Variants in CDH12 observed in about 807,000 individuals in gnomAD.
The protein encoded by CDH12 is cadherin-12.
CDH12 carries 41 observed loss-of-function variants against 74.1 expected under a neutral mutation model. That is an observed-to-expected ratio of 0.55 (90% CI 0.43 to 0.72). CDH12 has a LOEUF of 0.72. Among genes scored for constraint, CDH12 ranks in the 30% least tolerant of loss-of-function variants. The pLI, the probability that CDH12 is intolerant of heterozygous loss-of-function variation, is 0.00. For missense variants in CDH12, 945 were observed against 977.2 expected (o/e 0.97, Z 0.44); for synonymous variants, 399 against 355.0 (o/e 1.12, Z -1.39).
At chr5:22,566,437 A>G (rs1739287229) in intron 1 of CDH12, among the ~76,000 whole-genome samples, 1 of 151,968 alleles carries the variant, frequency 6.6e-6, no homozygotes, top group African/African-American at 2.4e-5. Context: ...ACGCAGTTTC[A>G]CCATGTTGGC....
intron 2 of CDH12, among the ~76,000 whole-genome samples, chr5:22,411,740 A>C (rs1388111522): frequency 6.6e-6 from 1 of 152,002 alleles, no homozygotes; most frequent in Non-Finnish European, 1.5e-5. Flanking sequence ...AGACAGCTTT[A>C]ATTGATGTTA....
intron 1 of CDH12, among the ~76,000 whole-genome samples, chr5:22,777,842 C>G (rs1199081383): frequency 6.6e-6 from 1 of 152,040 alleles, no homozygotes; most frequent in Non-Finnish European, 1.5e-5. Context: ...GAGATGGAGT[C>G]TCGCTCTATC....
At chr5:22,837,006 T>C (rs1329017679) in intron 1 of CDH12, among the ~76,000 whole-genome samples, 1 of 152,228 alleles carries the variant, frequency 6.6e-6, no homozygotes, top group Non-Finnish European at 1.5e-5. Context: ...TTCAATACTA[T>C]ACACATAATG....
chr5:22,035,699 T>C (rs1337275657), intron 5 of CDH12, among the ~76,000 whole-genome samples: 1 of 138,434 alleles, frequency 7.2e-6, no homozygotes, highest in Non-Finnish European at 1.5e-5. Context: ...TCTTCTTTTT[T>C]TACACTTCAC....
In CDH12 at chr5:22,013,095, A is replaced by G. The variant is rs574661342; in HGVS notation, c.232-37710T>C. On this transcript the variant is annotated intron_variant, in intron 5 of 14. Transcript: ENST00000382254. The stretch of plus-strand genomic sequence containing the variant: ...TGTTTTACTTTGTTTTCATACTGCT[A>G]TAAAGAACTGCCAGAGACTGTGTAA... Among the ~76,000 whole-genome samples, 10 of 152,150 alleles carry G rather than the reference A, an allele frequency of 6.6e-5. No individual in the cohort carries two copies. In the South Asian group the frequency reaches 1.0e-3, roughly 16 times the overall value.
intron 6 of CDH12, among the ~76,000 whole-genome samples, chr5:21,922,725 T>G (rs1164000250): frequency 1.3e-5 from 2 of 152,108 alleles, no homozygotes; most frequent in African/African-American, 4.8e-5. Flanking sequence ...TTCCCTTATT[T>G]TTCTTTTTTA....
intron 6 of CDH12, among the ~76,000 whole-genome samples, chr5:21,969,160 A>G (rs1580044799): frequency 6.6e-6 from 1 of 151,992 alleles, no homozygotes; most frequent in Non-Finnish European, 1.5e-5. Flanking sequence ...AAGAAAAAAA[A>G]AAAAGAATTA....
intron 3 of CDH12, among the ~76,000 whole-genome samples, chr5:22,339,059 C>G (rs1160879122): frequency 6.6e-6 from 1 of 152,194 alleles, no homozygotes; most frequent in African/African-American, 2.4e-5. Context: ...TTCATTGCAA[C>G]CTTATGACTC....
At chr5:21,849,647 T>G (rs781368710) in intron 7 of CDH12, among the ~76,000 whole-genome samples, 1 of 151,778 alleles carries the variant, frequency 6.6e-6, no homozygotes, top group Non-Finnish European at 1.5e-5. Context: ...TTCATTGTGT[T>G]GGAAAAGACT....
chr5:22,575,862 G>T lies in CDH12; in HGVS notation c.-522-70498C>A, dbSNP rs1739763675. On this transcript the variant is annotated intron_variant, in intron 1 of 14. Coordinates refer to ENST00000382254, the MANE Select transcript of CDH12 (RefSeq NM_004061.5). ...TTACAGGCATGAGCCACTGCGCCTGGCCTTATTTTTTTTTATATTATATTT... is the reference window on the plus strand; with the variant it reads ...TTACAGGCATGAGCCACTGCGCCTGTCCTTATTTTTTTTTATATTATATTT... 2.6e-5 allele frequency among the ~76,000 whole-genome samples: 4 copies of T among 151,940 alleles called. No homozygotes were observed. In the South Asian group the frequency reaches 8.3e-4, roughly 32 times the overall value.
intron 5 of CDH12, among the ~76,000 whole-genome samples, chr5:22,037,639 T>C (rs1160967872): frequency 6.6e-6 from 1 of 152,150 alleles, no homozygotes; most frequent in Non-Finnish European, 1.5e-5. Flanking sequence ...ACAGCAGCTA[T>C]AGGCAACTAA....
chr5:22,147,210 T>C (rs1400336528), intron 4 of CDH12, among the ~76,000 whole-genome samples: 1 of 152,204 alleles, frequency 6.6e-6, no homozygotes, highest in Admixed American at 6.5e-5. Context: ...ATTTTCTTAG[T>C]GAACTAATGC....
intron 8 of CDH12, among the ~76,000 whole-genome samples, chr5:21,827,399 A>C (rs1012121226): frequency 6.6e-6 from 1 of 152,138 alleles, no homozygotes; most frequent in African/African-American, 2.4e-5. Flanking sequence ...TTTAAAAAAA[A>C]GGTCATTAGG....
chr5:22,600,864 C>A (rs151153657), intron 1 of CDH12, among the ~76,000 whole-genome samples: 268 of 152,106 alleles, frequency 1.8e-3, no homozygotes, highest in Middle Eastern at 0.014. Context: ...TATTTCAATT[C>A]TAGTAGATTC....
rs554124034 is a variant in CDH12 at position 22,254,131 on chromosome 5, T to C, written c.-332-41488A>G. On this transcript the variant is annotated intron_variant, in intron 3 of 14. Transcript: ENST00000382254. Reference sequence around the variant, plus strand: ...AGCATTTTGTTGTCCCTTTGCTCTTTAATGTAACCTGATAGTGCTGAAACT... The same window carrying C: ...AGCATTTTGTTGTCCCTTTGCTCTTCAATGTAACCTGATAGTGCTGAAACT... 2.0e-5 allele frequency among the ~76,000 whole-genome samples: 3 copies of C among 151,944 alleles called. No individual in the cohort carries two copies. In the South Asian group the frequency reaches 6.2e-4, roughly 31 times the overall value.
At chr5:22,576,792 G>A (rs961873262) in intron 1 of CDH12, among the ~76,000 whole-genome samples, 1 of 152,210 alleles carries the variant, frequency 6.6e-6, no homozygotes, top group Non-Finnish European at 1.5e-5. Flanking sequence ...AGAGATACTG[G>A]AAGTGAGAAT....
chr5:22,394,189 A>G (rs77808136), intron 3 of CDH12, among the ~76,000 whole-genome samples: 1 of 152,276 alleles, frequency 6.6e-6, no homozygotes, highest in African/African-American at 2.4e-5. Flanking sequence ...TTAAAAATTT[A>G]CTTTTAAATC....
intron 2 of CDH12, among the ~76,000 whole-genome samples, chr5:22,444,391 T>C (rs1744739527): frequency 1.3e-5 from 2 of 152,110 alleles, no homozygotes; most frequent in Non-Finnish European, 2.9e-5. Context: ...ATTAAGCTAA[T>C]ACTATTCAGG....
At chr5:22,376,776 G>C (rs141061358) in intron 3 of CDH12, among the ~76,000 whole-genome samples, 1,801 of 148,204 alleles carry the variant, frequency 0.012, 36 homozygotes, top group African/African-American at 0.041. Flanking sequence ...TGCCACCTCA[G>C]CCTCCCAAAG....
Sources: gnomAD v4.1 joint callset for allele counts (sites outside exome capture counted in the v4.1 genomes callset) on GRCh38, gnomAD v4.1.1 for gene constraint, MANE v1.5 for transcripts, NCBI Gene and HGNC (gene_info 2026-07-23, HGNC 2026-07-21) for gene names.